The following PXDNL variants were observed in gnomAD, a reference collection of about 807,000 sequenced individuals.
PXDNL encodes peroxidasin like, also known as probable oxidoreductase PXDNL.
A neutral mutation model predicts 150.8 loss-of-function variants in PXDNL; 145 were observed. The observed-to-expected ratio is 0.96, with a 90% CI of 0.84 to 1.10. PXDNL has a LOEUF of 1.10. Ranked by LOEUF, PXDNL falls within the 50% of genes least tolerant of loss-of-function variation. The pLI is 0.00. For missense variants in PXDNL, 2,087 were observed against 1,873.9 expected (o/e 1.11, Z -2.10); for synonymous variants, 757 against 725.7 (o/e 1.04, Z -0.69).
intron 2 of PXDNL, among the ~76,000 whole-genome samples, chr8:51,641,077 C>A (rs944052155): frequency 2.0e-5 from 3 of 151,960 alleles, no homozygotes; most frequent in Non-Finnish European, 4.4e-5. Flanking sequence ...TGATCTTTGA[C>A]AAACCTGAGA....
intron 12 of PXDNL, among the ~76,000 whole-genome samples, chr8:51,431,436 T>G (rs769300976): frequency 2.2e-4 from 34 of 152,222 alleles, no homozygotes; most frequent in Non-Finnish European, 4.1e-4. Context: ...GCCCACTTCA[T>G]TAAGGCTTCG....
At chr8:51,564,115 T>G (rs1287774712) in intron 3 of PXDNL, among the ~76,000 whole-genome samples, 1 of 151,958 alleles carries the variant, frequency 6.6e-6, no homozygotes, top group African/African-American at 2.4e-5. Context: ...ACACTTGCTA[T>G]TCAGATTTTA....
chr8:51,530,886 C>T (rs1811887021), intron 4 of PXDNL, among the ~76,000 whole-genome samples: 1 of 150,708 alleles, frequency 6.6e-6, no homozygotes, highest in South Asian at 2.1e-4. Flanking sequence ...AGGAAGAACC[C>T]TGAGGCCAGT....
chr8:51,594,194 A>G lies in PXDNL; in HGVS notation c.237-1496T>C, dbSNP rs1384613051. Among the ~76,000 whole-genome samples the G allele has an allele frequency of 2.0e-5, 3 of 152,232 alleles. No homozygotes were observed. In the South Asian group the frequency reaches 6.2e-4, roughly 31 times the overall value. ...AAACTATACGTGTGTATACATACAT[A>G]TGTGCATGTGTGTATGTAATTTGCA... On this transcript the variant is annotated intron_variant, in intron 2 of 22. Transcript: ENST00000356297.
At chr8:51,685,232 G>T (rs1265131292) in intron 1 of PXDNL, among the ~76,000 whole-genome samples, 1 of 151,852 alleles carries the variant, frequency 6.6e-6, no homozygotes, top group Non-Finnish European at 1.5e-5. Flanking sequence ...TCTGGGCTCA[G>T]ATCATTATGC....
At chr8:51,608,287 G>A (rs1813910867) in intron 2 of PXDNL, among the ~76,000 whole-genome samples, 1 of 146,582 alleles carries the variant, frequency 6.8e-6, no homozygotes, top group Non-Finnish European at 1.5e-5. Flanking sequence ...TACTGTAGAG[G>A]CTGAGGCAGG....
At chr8:51,497,174 A>G (rs2130271787) in intron 5 of PXDNL, among the ~76,000 whole-genome samples, 1 of 152,296 alleles carries the variant, frequency 6.6e-6, no homozygotes, top group East Asian at 1.9e-4. Flanking sequence ...GATGGAAACA[A>G]GAAATAGGGA....
At chr8:51,327,925 G>C (rs1479173149) in intron 21 of PXDNL, among the ~76,000 whole-genome samples, 1 of 152,178 alleles carries the variant, frequency 6.6e-6, no homozygotes, top group Non-Finnish European at 1.5e-5. Flanking sequence ...TGCTTACCTG[G>C]GACAGACTGA....
intron 1 of PXDNL, among the ~76,000 whole-genome samples, chr8:51,789,938 T>C (rs2037495304): frequency 6.6e-6 from 1 of 152,204 alleles, no homozygotes; most frequent in African/African-American, 2.4e-5. Context: ...AATATTTTTC[T>C]AGTAAATTTT....
intron 4 of PXDNL, among the ~76,000 whole-genome samples, chr8:51,536,208 C>T (rs1585559852): frequency 6.6e-6 from 1 of 152,272 alleles, no homozygotes; most frequent in African/African-American, 2.4e-5. Context: ...GCCGAAGCAA[C>T]CTTTTTATAC....
chr8:51,394,320 T>C (rs1586066831), intron 17 of PXDNL, among the ~76,000 whole-genome samples: 1 of 152,200 alleles, frequency 6.6e-6, no homozygotes, highest in Non-Finnish European at 1.5e-5. Flanking sequence ...AGTAAAGCTA[T>C]CCCATCCATA....
chr8:51,510,104 A>G (rs183069192), intron 4 of PXDNL, among the ~76,000 whole-genome samples: 64 of 152,270 alleles, frequency 4.2e-4, no homozygotes, highest in African/African-American at 1.5e-3. Context: ...AAGGTTCTAG[A>G]AAGGCAGAAG....
chr8:51,482,189 A>T (rs896565733), intron 6 of PXDNL, among the ~76,000 whole-genome samples: 1 of 152,160 alleles, frequency 6.6e-6, no homozygotes, highest in Non-Finnish European at 1.5e-5. Flanking sequence ...TCTTCCATCA[A>T]TGTGACCTGG....
intron 1 of PXDNL, among the ~76,000 whole-genome samples, chr8:51,777,877 T>TG (rs2037369528): frequency 2.6e-5 from 4 of 152,088 alleles, no homozygotes; most frequent in Non-Finnish European, 4.4e-5. Context: ...CACTCCAGCC[T>TG]GGGAGACAAG....
chr8:51,375,239 C>G (rs1807266500), intron 17 of PXDNL, among the ~76,000 whole-genome samples: 1 of 152,134 alleles, frequency 6.6e-6, no homozygotes, highest in South Asian at 2.1e-4. Flanking sequence ...GATAAAAAGG[C>G]AATAAGTATT....
chr8:51,645,637 G>A (rs902380754), intron 2 of PXDNL, among the ~76,000 whole-genome samples: 2 of 152,144 alleles, frequency 1.3e-5, no homozygotes, highest in Non-Finnish European at 1.5e-5. Context: ...TAGATGTAGG[G>A]TTTGAGGTAA....
intron 1 of PXDNL, among the ~76,000 whole-genome samples, chr8:51,718,944 C>T (rs903125839): frequency 1.3e-5 from 2 of 152,084 alleles, no homozygotes; most frequent in Non-Finnish European, 2.9e-5. Flanking sequence ...GGGAGGGAGG[C>T]GGGGGGCAGC....
Position 51,735,556 on chromosome 8 carries a change from T to TGG in PXDNL, c.164+73624_164+73625insCC, listed in dbSNP as rs1563304362. ...TTTTTTTTTTTTTTTTTTTTTTTTT[T>TGG]TTTTTTTTGAGACGGAGTCTCGCTC... On this transcript the variant is annotated intron_variant, in intron 1 of 22. Coordinates refer to ENST00000356297, the MANE Select transcript of PXDNL (RefSeq NM_144651.5). 1.1e-4 allele frequency among the ~76,000 whole-genome samples: 15 copies of TGG among 134,184 alleles called. 1 individual carries two copies. The highest frequency in any genetic ancestry group is 2.1e-4 in the East Asian group (1 of 4,760). 88.0% of individuals were successfully genotyped at this position (134,184 alleles called of 152,430 possible). A position where few individuals can be genotyped will look rare whatever the true frequency, so the allele number is the denominator to read the frequency against.
chr8:51,707,289 A>G (rs1008662849), intron 1 of PXDNL, among the ~76,000 whole-genome samples: 4 of 152,180 alleles, frequency 2.6e-5, no homozygotes, highest in Non-Finnish European at 4.4e-5. Flanking sequence ...ATGCTTTCAA[A>G]TATAGAGTCC....
Sources: allele counts gnomAD v4.1 joint callset (sites outside exome capture counted in the v4.1 genomes callset), GRCh38; gene constraint gnomAD v4.1.1; transcripts MANE v1.5; gene names NCBI Gene and HGNC (gene_info 2026-07-23, HGNC 2026-07-21).